PDIA2: variants seen among roughly 807,000 people sequenced by gnomAD.
PDIA2 encodes protein disulfide isomerase family A member 2.
Under a neutral mutation model 51.1 loss-of-function variants are expected in PDIA2, and 76 were observed. The observed-to-expected ratio is 1.49, with a 90% CI of 1.24 to 1.80. PDIA2 has a LOEUF of 1.80. PDIA2 is among the 40% of genes most tolerant of loss of function. The pLI, the probability that PDIA2 is intolerant of heterozygous loss-of-function variation, is 0.00. For missense variants in PDIA2, 946 were observed against 706.5 expected (o/e 1.34, Z -3.84); for synonymous variants, 429 against 309.9 (o/e 1.38, Z -4.04).
chr16:283,796 G>T (rs905178480), intron 1 of PDIA2, among the ~76,000 whole-genome samples: 17 of 152,184 alleles, frequency 1.1e-4, no homozygotes, highest in Admixed American at 2.6e-4. Context: ...TTCTTGCCTA[G>T]GAGGCCTTCA....
Position 285,096 on chromosome 16 carries a change from C to CG in PDIA2, c.694dup (p.Ala232GlyfsTer89). ...TGCTGCTGTCCAGTTTGATGAGGGG[C>CG]GGGCAGACTTCCCCGTGGACGAGGA... On this transcript the variant is annotated frameshift_variant, in exon 5 of 11. Coordinates refer to ENST00000219406, the MANE Select transcript of PDIA2 (RefSeq NM_006849.4). LOFTEE classifies it high-confidence loss of function. The CG allele has an allele frequency of 6.2e-7, 1 of 1,612,932 alleles. No individual in the cohort carries two copies. The highest frequency in any genetic ancestry group is 8.5e-7 in the Non-Finnish European group (1 of 1,179,964).
rs747942312 is a variant in PDIA2 at position 286,540 on chromosome 16, G to A, written c.1241-14G>A. On this transcript the variant is annotated splice_polypyrimidine_tract_variant and intron_variant, in intron 8 of 10. Transcript: ENST00000219406. ...GGCTGCCCAGATGGCTGTGCTCAACGGCTCCCATCCTAGATGCCCCGTGGT... is the reference window on the plus strand; with the variant it reads ...GGCTGCCCAGATGGCTGTGCTCAACAGCTCCCATCCTAGATGCCCCGTGGT... 12 of 1,612,496 alleles carry A rather than the reference G, an allele frequency of 7.4e-6. No homozygotes were observed. The highest frequency in any genetic ancestry group is 6.7e-5 in the East Asian group (3 of 44,806).
intron 1 of PDIA2, among the ~76,000 whole-genome samples, chr16:283,602 C>T (rs1391813779): frequency 1.3e-5 from 2 of 152,214 alleles, no homozygotes; most frequent in South Asian, 2.1e-4. Flanking sequence ...ACACCTGTGC[C>T]TCCCTGCTCG....
At chr16:284,245 G>A (rs1014509632) in intron 1 of PDIA2, 142 bp from the exon 2 acceptor site, 24 of 828,238 alleles carry the variant, frequency 2.9e-5, no homozygotes, top group Middle Eastern at 3.5e-4. Context: ...GGGCCACGAA[G>A]AGGCACTGGT....
chr16:287,122 G>C lies in PDIA2; in HGVS notation c.*9G>C, dbSNP rs45504596. 4 of 1,612,714 alleles carry C rather than the reference G, an allele frequency of 2.5e-6. No individual in the cohort carries two copies. Among genetic ancestry groups the C allele is most frequent in the Middle Eastern group, 1.7e-4 (1 of 6,060 alleles). ...CCAAGGAGGAACTGTAGCTGCCCCC[G>C]TGTCACCCCCGCCATCACTGCTGGA... On this transcript the variant is annotated 3_prime_UTR_variant, in exon 11 of 11. Coordinates refer to ENST00000219406, the MANE Select transcript of PDIA2 (RefSeq NM_006849.4).
Position 284,736 on chromosome 16 carries a change from G to GC in PDIA2, c.485dup (p.Ala163GlyfsTer66). On this transcript the variant is annotated frameshift_variant, in exon 3 of 11. Transcript: ENST00000219406. LOFTEE classifies it high-confidence loss of function. ...CAGTGCCATGCGGCTGGAGGACGAG[G>GC]CGGCCGCCCAGGCGCTGATCGGTGG... 6.4e-7 allele frequency: 1 copy of GC among 1,563,552 alleles called. No individual in the cohort carries two copies. Among genetic ancestry groups the GC allele is most frequent in the Non-Finnish European group, 8.6e-7 (1 of 1,160,480 alleles).
rs758349470 is a variant in PDIA2 at position 286,659 on chromosome 16, C to CA, written c.1346_1347insA (p.Ala450GlyfsTer28). 2.0e-4 allele frequency: 320 copies of CA among 1,612,680 alleles called. 3 individuals carry two copies. The South Asian group carries it at 3.1e-3, about 16-fold the overall frequency. On this transcript the variant is annotated frameshift_variant, in exon 9 of 11. Transcript: ENST00000219406. LOFTEE classifies it high-confidence loss of function. ...ATCATCATTGCTGAGCTGGATGCCA[C>CA]GGCCAACGAGCTGGATGCCTTCGCT...
At chr16:287,016 G>T in intron 10 of PDIA2, 53 bp from the exon 11 acceptor site, 1 of 1,612,418 alleles carries the variant, frequency 6.2e-7, no homozygotes, top group East Asian at 2.2e-5. Context: ...CAGGGGCGGG[G>T]GCAGGGGTAG....
chr16:284,177 G>A, intron 1 of PDIA2: 1 of 591,602 alleles, frequency 1.7e-6, no homozygotes, highest in East Asian at 3.2e-5. Flanking sequence ...TGTGGGGGGA[G>A]GGGGGGTGGT....
chr16:284,798 C>A lies in PDIA2; in HGVS notation c.540+6C>A, dbSNP rs1269475700. Reference sequence around the variant, plus strand: ...TGGTCATTGGCTTCTTCCAGGTGAGCCACTGGGCATGGGGGGCCGGGCCAT... The same window carrying A: ...TGGTCATTGGCTTCTTCCAGGTGAGACACTGGGCATGGGGGGCCGGGCCAT... On this transcript the variant is annotated splice_donor_region_variant and intron_variant, in intron 3 of 10. Coordinates refer to ENST00000219406, the MANE Select transcript of PDIA2 (RefSeq NM_006849.4). The A allele has an allele frequency of 6.3e-7, 1 of 1,578,352 alleles. No individual in the cohort carries two copies. The highest frequency in any genetic ancestry group is 2.2e-5 in the East Asian group (1 of 44,584).
At chr16:285,925 TCCCAACCCCAACCCCAACCCCAAC>T (rs371090480) in intron 7 of PDIA2, among the ~76,000 whole-genome samples, 5 of 23,258 alleles carry the variant, frequency 2.1e-4, no homozygotes, top group South Asian at 1.1e-3. Context: ...CCCGCGGTTC[TCCCAACCCCAACCCCAACCCCAAC>T]CCCAACCCCG....
Position 285,383 on chromosome 16 carries a change from GCACC to G in PDIA2, c.868_871del (p.His290GlyfsTer4), listed in dbSNP as rs1052596854. Reference sequence around the variant, plus strand: ...TGTTTGTCAACCAGACGCTGGCTGCGCACCGGGAGCTCCTAGCGGGCTTTGGGGA... The same window carrying G: ...TGTTTGTCAACCAGACGCTGGCTGCGGGGAGCTCCTAGCGGGCTTTGGGGA... On this transcript the variant is annotated frameshift_variant, in exon 6 of 11. Coordinates refer to ENST00000219406, the MANE Select transcript of PDIA2 (RefSeq NM_006849.4). LOFTEE classifies it high-confidence loss of function. 12 of 1,609,858 alleles carry G rather than the reference GCACC, an allele frequency of 7.5e-6. No homozygotes were observed. The highest frequency in any genetic ancestry group is 1.0e-5 in the Non-Finnish European group (12 of 1,178,798).
In PDIA2 at chr16:283,194, C is replaced by G; in HGVS notation, c.25C>G (p.Leu9Val). 11 of 1,564,146 alleles carry G rather than the reference C, an allele frequency of 7.0e-6. No individual in the cohort carries two copies. The highest frequency in any genetic ancestry group is 9.5e-6 in the Non-Finnish European group (11 of 1,154,262). Reference sequence around the variant, plus strand: ...CATGAGCCGCCAGCTTCTGCCTGTACTGCTGCTGCTGCTGCTCAGGGCTTC... The same window carrying G: ...CATGAGCCGCCAGCTTCTGCCTGTAGTGCTGCTGCTGCTGCTCAGGGCTTC... MSRQLLPVLLLLLLRASCP... is the reference protein window; with the variant it reads MSRQLLPVVLLLLLRASCP... Residue 9 changes from leucine to valine, a missense_variant, in exon 1 of 11, where the codon CTG becomes GTG. By Grantham distance (32) the Leu-to-Val change is conservative. Coordinates refer to ENST00000219406, the MANE Select transcript of PDIA2 (RefSeq NM_006849.4).
In PDIA2 at chr16:285,717, T is replaced by A. The variant is rs1373445039; in HGVS notation, c.1119+14T>A. 34 of 1,610,134 alleles carry A rather than the reference T, an allele frequency of 2.1e-5. No homozygotes were observed. The highest frequency in any genetic ancestry group is 2.8e-5 in the Non-Finnish European group (33 of 1,178,714). ...GGCCAAGTCAAGGTCCGCTGCAGAC[T>A]GCTCATAATGGAAGGGGAACCCTGA... On this transcript the variant is annotated intron_variant, in intron 7 of 10. Coordinates refer to ENST00000219406, the MANE Select transcript of PDIA2 (RefSeq NM_006849.4).
intron 9 of PDIA2, 40 bp from the exon 10 acceptor site, chr16:286,795 G>GGGCCCC (rs748821561): frequency 5.4e-5 from 87 of 1,611,670 alleles, no homozygotes; most frequent in Non-Finnish European, 7.0e-5. Context: ...GCATGGGGCT[G>GGGCCCC]GGCCCCACGT....
rs578016991 is a variant in PDIA2 at position 287,057 on chromosome 16, G to A, written c.1534-12G>A. 61 of 1,612,764 alleles carry A rather than the reference G, an allele frequency of 3.8e-5. 1 individual carries two copies. The Admixed American group carries it at 1.0e-3, about 26-fold the overall frequency. ...GAGCAGAGCTTCGAGCTGCACTTGT[G>A]ACCCTTTCTAGGAGCCACCGGCCAA... On this transcript the variant is annotated splice_polypyrimidine_tract_variant and intron_variant, in intron 10 of 10. Transcript: ENST00000219406.
Position 283,382 on chromosome 16 carries a change from C to A in PDIA2, c.199+14C>A. The A allele has an allele frequency of 6.4e-7, 1 of 1,569,270 alleles. No homozygotes were observed. On this transcript the variant is annotated intron_variant, in intron 1 of 10. Transcript: ENST00000219406. ...TGGTGGAATTCTGTGAGTGCTGGGG[C>A]CAGTGGGGCTGGGGACCGGCGGGGG... is the stretch of plus-strand genomic sequence containing the variant.
At position 285,204 on chromosome 16, in the gene PDIA2, C is replaced by T. The variant is rs760766838; in HGVS notation, c.795+4C>T. 3.0e-5 allele frequency: 48 copies of T among 1,612,836 alleles called. No homozygotes were observed. Among genetic ancestry groups the T allele is most frequent in the African/African-American group, 4.0e-5 (3 of 74,882 alleles). ...GGTCACGGAGTTCAACAGCCAGGTG[C>T]GTAGGCTGCAGTGCCTGGGCTGGGG... On this transcript the variant is annotated splice_donor_region_variant and intron_variant, in intron 5 of 10. Transcript: ENST00000219406.
In PDIA2 at chr16:283,176, C is replaced by T. The variant is rs375763771; in HGVS notation, c.7C>T (p.Arg3Cys). Residue 3 changes from arginine to cysteine, a missense_variant, in exon 1 of 11, where the codon CGC becomes TGC. Arg to Cys is a radical substitution (Grantham distance 180). Transcript: ENST00000219406. ...CACGCGCCCTGGCAGCACCATGAGC[C>T]GCCAGCTTCTGCCTGTACTGCTGCT... MS[R>C]QLLPVLLLLL... 1.1e-4 allele frequency: 174 copies of T among 1,533,412 alleles called. No individual in the cohort carries two copies. The highest frequency in any genetic ancestry group is 1.3e-4 in the Non-Finnish European group (146 of 1,142,278). 95.0% of individuals were successfully genotyped at this position (1,533,412 alleles called of 1,614,324 possible). A position where few individuals can be genotyped will look rare whatever the true frequency, so the allele number is the denominator to read the frequency against.
Sources: gnomAD v4.1 joint callset for allele counts (sites outside exome capture counted in the v4.1 genomes callset) on GRCh38, gnomAD v4.1.1 for gene constraint, MANE v1.5 for transcripts, NCBI Gene and HGNC (gene_info 2026-07-23, HGNC 2026-07-21) for gene names.